The following RNF111 variants were observed in gnomAD, a reference collection of about 807,000 sequenced individuals.
The protein encoded by RNF111 is E3 ubiquitin-protein ligase Arkadia.
In RNF111, 17 loss-of-function variants were observed where a neutral mutation model predicts 95.1. The ratio of observed to expected loss-of-function variants is 0.18; its 90% CI spans 0.12 to 0.27. The LOEUF (loss-of-function observed/expected upper bound fraction) is 0.27. Among genes scored for constraint, RNF111 ranks in the 10% least tolerant of loss-of-function variants. The probability of loss-of-function intolerance (pLI) is 1.00; values close to 1 mark genes in which losing one functional copy is unlikely to be tolerated. For missense variants in RNF111, 1,189 were observed against 1,210.4 expected (o/e 0.98, Z 0.26); for synonymous variants, 440 against 414.8 (o/e 1.06, Z -0.74).
intron 1 of RNF111, among the ~76,000 whole-genome samples, chr15:59,019,387 T>C (rs1309958926): frequency 6.6e-6 from 1 of 152,134 alleles, no homozygotes; most frequent in Non-Finnish European, 1.5e-5. Context: ...TGTCTGATGG[T>C]AATGTTTATG....
Position 59,085,702 on chromosome 15 carries a change from C to T in RNF111, c.2467C>T (p.Pro823Ser), listed in dbSNP as rs1335800987. The part of the protein sequence containing the change: ...EAGVTAATYT[P>S]GALHPHLAHY... ...TGGAGTGACTGCAGCTACTTATACA[C>T]CTGGTGCATTGCATCCTCACTTGGC... The change falls in exon 10 of 14, where the codon CCT (proline) becomes TCT (serine). Residue 823 changes from proline to serine, a missense_variant. Coordinates refer to ENST00000348370, the MANE Select transcript of RNF111 (RefSeq NM_017610.8). The T allele has an allele frequency of 1.8e-5, 29 of 1,613,430 alleles. No homozygotes were observed. Among genetic ancestry groups the T allele is most frequent in the Non-Finnish European group, 2.5e-5 (29 of 1,179,636 alleles).
chr15:59,029,017 T>C (rs774043217), intron 1 of RNF111, among the ~76,000 whole-genome samples: 6 of 152,174 alleles, frequency 3.9e-5, no homozygotes, highest in Non-Finnish European at 8.8e-5. Context: ...TGGCCTCCAG[T>C]GATCCGCCCG....
At chr15:59,085,915 T>G (rs1200250037) in intron 10 of RNF111, 130 bp downstream of exon 10, 1 of 830,086 alleles carries the variant, frequency 1.2e-6, no homozygotes, top group Non-Finnish European at 1.8e-6. Context: ...TTAGCTAAAA[T>G]TGTGCTATAA....
intron 8 of RNF111, among the ~76,000 whole-genome samples, chr15:59,081,604 C>T (rs2078746987): frequency 1.3e-5 from 2 of 151,936 alleles, no homozygotes; most frequent in South Asian, 4.2e-4. Flanking sequence ...TTCCCGTAAT[C>T]CCCAGTTGCT....
chr15:59,039,794 A>G (rs1870870398), intron 2 of RNF111, among the ~76,000 whole-genome samples: 2 of 150,896 alleles, frequency 1.3e-5, no homozygotes. Flanking sequence ...TTGGCTCAGT[A>G]CAACCTCTGC....
chr15:59,049,906 T>C (rs2041903503), intron 2 of RNF111, among the ~76,000 whole-genome samples: 1 of 151,000 alleles, frequency 6.6e-6, no homozygotes, highest in South Asian at 2.1e-4. Flanking sequence ...CACACCCGGC[T>C]AATTTTTGTG....
At chr15:59,036,371 A>G (rs1229426165) in intron 2 of RNF111, among the ~76,000 whole-genome samples, 1 of 152,124 alleles carries the variant, frequency 6.6e-6, no homozygotes, top group East Asian at 1.9e-4. Context: ...AAGACTGGTA[A>G]CTTATAAAGG....
intron 5 of RNF111, among the ~76,000 whole-genome samples, chr15:59,065,780 G>T (rs1447030933): frequency 1.3e-5 from 2 of 152,176 alleles, no homozygotes; most frequent in African/African-American, 4.8e-5. Flanking sequence ...GCTGAGGTGG[G>T]CGGATCACCT....
chr15:59,052,841 C>A (rs1596212958), intron 3 of RNF111, among the ~76,000 whole-genome samples: 4 of 152,058 alleles, frequency 2.6e-5, no homozygotes, highest in African/African-American at 9.6e-5. Context: ...TTTAAAAGCA[C>A]CCCAAGTATA....
intron 6 of RNF111, among the ~76,000 whole-genome samples, chr15:59,072,316 G>A (rs964374431): frequency 2.6e-5 from 4 of 152,008 alleles, no homozygotes; most frequent in Middle Eastern, 3.2e-3. Context: ...GTTTAATGGT[G>A]TTTTACCCAT....
rs931787747 is a variant in RNF111 at position 59,096,033 on chromosome 15, T to C, written c.*1133T>C. On this transcript the variant is annotated 3_prime_UTR_variant, in exon 14 of 14. Transcript: ENST00000348370. ...AGATACTGTGAGGCACAAATTATAC[T>C]GTCAACCTACTGTTGCTATGGTTAT... The C allele has an allele frequency of 7.5e-6, 3 of 398,570 alleles. No individual in the cohort carries two copies. The highest frequency in any genetic ancestry group is 4.1e-5 in the African/African-American group (2 of 48,630). The allele number at this position is 398,570 out of a possible 1,614,324, so 24.7% of individuals were successfully genotyped here. A position where few individuals can be genotyped will look rare whatever the true frequency, so the allele number is the denominator to read the frequency against.
In RNF111 at chr15:59,035,903, GCT is replaced by G. The variant is rs1166749587; in HGVS notation, c.880+4205_880+4206del. 2.0e-5 allele frequency among the ~76,000 whole-genome samples: 3 copies of G among 152,080 alleles called. No homozygotes were observed. In the East Asian group the frequency reaches 5.8e-4, roughly 29 times the overall value. On this transcript the variant is annotated intron_variant, in intron 2 of 13. Coordinates refer to ENST00000348370, the MANE Select transcript of RNF111 (RefSeq NM_017610.8). ...TTCCCCACATCTTCTTATCTTTGGA[GCT>G]CTCCAAACTTTTGCAACCTCTGCCA...
chr15:59,044,758 C>T (rs1220312946), intron 2 of RNF111, among the ~76,000 whole-genome samples: 2 of 152,136 alleles, frequency 1.3e-5, no homozygotes, highest in Non-Finnish European at 2.9e-5. Flanking sequence ...GACCTATTCT[C>T]TTGATTTTCT....
intron 1 of RNF111, among the ~76,000 whole-genome samples, chr15:59,027,524 C>A (rs2040676308): frequency 6.6e-6 from 1 of 151,662 alleles, no homozygotes; most frequent in South Asian, 2.1e-4. Flanking sequence ...AAATTCTATA[C>A]CTTTTTTTCT....
In RNF111 at chr15:59,053,361, A is replaced by G. The variant is rs564805541; in HGVS notation, c.1007+930A>G. 1.3e-5 allele frequency among the ~76,000 whole-genome samples: 2 copies of G among 152,338 alleles called. 1 individual carries two copies. Among genetic ancestry groups the G allele is most frequent in the Admixed American group, 1.3e-4 (2 of 15,304 alleles). On this transcript the variant is annotated intron_variant, in intron 3 of 13. Coordinates refer to ENST00000348370, the MANE Select transcript of RNF111 (RefSeq NM_017610.8). ...TAGCAATAAAGAGTTGCTTTGTTAC[A>G]TTTGATACACCCAACTAATAATCTA...
At chr15:59,025,807 C>T (rs1170079955) in intron 1 of RNF111, among the ~76,000 whole-genome samples, 3 of 151,836 alleles carry the variant, frequency 2.0e-5, no homozygotes, top group African/African-American at 4.8e-5. Context: ...CTCGGCTCAC[C>T]GCAACCGCTG....
chr15:59,031,112 G>A lies in RNF111; in HGVS notation c.290G>A (p.Ser97Asn). 6.2e-7 allele frequency: 1 copy of A among 1,614,200 alleles called. No individual in the cohort carries two copies. The highest frequency in any genetic ancestry group is 8.5e-7 in the Non-Finnish European group (1 of 1,180,030). The change falls in exon 2 of 14, where the codon AGC becomes AAC. Residue 97 changes from serine (S) to asparagine (N), a missense_variant. By Grantham distance (46) the Ser-to-Asn change is conservative. This residue lies in a region of RNF111 where 1,024 missense variants were observed against 925.9 expected (regional missense o/e 1.11). Transcript: ENST00000348370. ...KSLVVRKKRK[S>N]QQAGPSYVQN... Reference sequence around the variant, plus strand: ...CTCGTTGTGAGGAAAAAACGCAAAAGCCAGCAGGCTGGCCCTTCGTATGTG... The same window carrying A: ...CTCGTTGTGAGGAAAAAACGCAAAAACCAGCAGGCTGGCCCTTCGTATGTG...
chr15:59,028,902 C>G (rs150056647), intron 1 of RNF111, among the ~76,000 whole-genome samples: 222 of 152,066 alleles, frequency 1.5e-3, no homozygotes, highest in African/African-American at 5.3e-3. Flanking sequence ...GCTTCAGCCT[C>G]CCAAGTAGCT....
intron 10 of RNF111, among the ~76,000 whole-genome samples, chr15:59,089,435 A>C (rs17236439): frequency 0.029 from 4,381 of 152,280 alleles, 133 homozygotes; most frequent in African/African-American, 0.068. Context: ...TTCAAGTTTG[A>C]GCTACTAAGA....
Sources: gnomAD v4.1 joint callset for allele counts (sites outside exome capture counted in the v4.1 genomes callset) on GRCh38, gnomAD v4.1.1 for gene constraint, gnomAD v4.1.1 regional missense constraint, MANE v1.5 for transcripts, NCBI Gene and HGNC (gene_info 2026-07-23, HGNC 2026-07-21) for gene names.